Variants in NHEJ1 observed in about 807,000 individuals in gnomAD.
NHEJ1 encodes non-homologous end joining factor 1, also known as non-homologous end-joining factor 1.
Under a neutral mutation model 39.4 loss-of-function variants are expected in NHEJ1, and 22 were observed. That is an observed-to-expected ratio of 0.56 (90% CI 0.40 to 0.80). NHEJ1 has a LOEUF of 0.80. Among genes scored for constraint, NHEJ1 ranks in the 30% least tolerant of loss-of-function variants. NHEJ1 has a pLI of 0.00. For missense variants in NHEJ1, 329 were observed against 357.1 expected, an observed-to-expected ratio of 0.92 and a Z score of 0.63; for synonymous variants, 154 against 135.6, an observed-to-expected ratio of 1.14 and a Z score of -0.94.
intron 5 of NHEJ1, among the ~76,000 whole-genome samples, chr2:219,085,773 C>T (rs978299990): frequency 6.6e-6 from 1 of 151,028 alleles, no homozygotes; most frequent in African/African-American, 2.4e-5. Flanking sequence ...GCCATACAGT[C>T]ATATATGCAA....
Position 219,146,709 on chromosome 2 carries a change from T to C in NHEJ1, c.559A>G (p.Asn187Asp). The change falls in exon 5 of 8, where the codon AAT (asparagine) becomes GAT (aspartate). Residue 187 changes from asparagine (N) to aspartate (D), a missense_variant. By Grantham distance (23) the Asn-to-Asp change is conservative. Transcript: ENST00000356853. Reference protein sequence around the residue: ...DRLKTEPFEENSFLEQFMIEK... With the variant: ...DRLKTEPFEEDSFLEQFMIEK... ...ATCATAAATTGTTCCAAGAAGGAAT[T>C]TTCTTCAAATGGTTCTGTCTTCAAT... The C allele has an allele frequency of 6.2e-7, 1 of 1,611,714 alleles. No homozygotes were observed. The highest frequency in any genetic ancestry group is 2.2e-5 in the East Asian group (1 of 44,876).
intron 6 of NHEJ1, 65 bp from the exon 7 acceptor site, chr2:219,077,429 C>T (rs1949025020): frequency 1.6e-6 from 2 of 1,239,122 alleles, no homozygotes; most frequent in Non-Finnish European, 2.4e-6. Flanking sequence ...AAGATATTAG[C>T]ATTCACCAAG....
intron 1 of NHEJ1, among the ~76,000 whole-genome samples, chr2:219,158,624 A>C (rs1368664208): frequency 1.3e-5 from 2 of 151,938 alleles, no homozygotes; most frequent in East Asian, 3.9e-4. Context: ...TTTCTTCCAT[A>C]GTGTTTAAAC....
At chr2:219,109,683 T>A (rs1303818648) in intron 5 of NHEJ1, among the ~76,000 whole-genome samples, 1 of 151,778 alleles carries the variant, frequency 6.6e-6, no homozygotes, top group South Asian at 2.1e-4. Context: ...CAAGGAGGCG[T>A]GGGTTGGGAG....
At chr2:219,085,754 A>C (rs1949106028) in intron 5 of NHEJ1, among the ~76,000 whole-genome samples, 1 of 151,874 alleles carries the variant, frequency 6.6e-6, no homozygotes, top group Non-Finnish European at 1.5e-5. Flanking sequence ...AGATGGGAGA[A>C]TAGATGCAGC....
intron 3 of NHEJ1, among the ~76,000 whole-genome samples, chr2:219,155,096 G>A (rs927954542): frequency 6.6e-6 from 1 of 151,390 alleles, no homozygotes; most frequent in Non-Finnish European, 1.5e-5. Flanking sequence ...CCTCCAAGGA[G>A]AACTGTCTCC....
At chr2:219,160,585 C>G (rs1258791352) in intron 1 of NHEJ1, 135 bp downstream of exon 1, 1 of 152,238 alleles carries the variant, frequency 6.6e-6, no homozygotes, top group Non-Finnish European at 1.5e-5. Context: ...CACCCCTCCC[C>G]CGGAGGCCTG....
At chr2:219,127,733 A>G (rs1949538573) in intron 5 of NHEJ1, among the ~76,000 whole-genome samples, 1 of 152,244 alleles carries the variant, frequency 6.6e-6, no homozygotes, top group South Asian at 2.1e-4. Flanking sequence ...ATAATGATAA[A>G]CTAGCAAATG....
At chr2:219,129,932 T>C (rs1047794980) in intron 5 of NHEJ1, among the ~76,000 whole-genome samples, 1 of 151,800 alleles carries the variant, frequency 6.6e-6, no homozygotes, top group East Asian at 1.9e-4. Context: ...ATTTTATCTC[T>C]TTTTCCCTTT....
In NHEJ1 at chr2:219,071,092, T is replaced by C. The variant is rs1948951872; in HGVS notation, c.*5289A>G. ...GAGTAAGGGCTGTCTTTACCATGCA[T>C]GATTCCCAACAGCACTGCTCTTGAT... On this transcript the variant is annotated 3_prime_UTR_variant, in exon 8 of 8. Coordinates refer to ENST00000356853, the MANE Select transcript of NHEJ1 (RefSeq NM_024782.3). Among the ~76,000 whole-genome samples, 1 of 152,188 alleles carries C rather than the reference T, an allele frequency of 6.6e-6. No homozygotes were observed. Among genetic ancestry groups the C allele is most frequent in the Non-Finnish European group, 1.5e-5 (1 of 68,014 alleles).
intron 5 of NHEJ1, among the ~76,000 whole-genome samples, chr2:219,145,628 A>T (rs1025264064): frequency 2.0e-5 from 3 of 152,206 alleles, no homozygotes; most frequent in African/African-American, 7.2e-5. Context: ...TGGGTAACAT[A>T]TATAATTAGA....
At chr2:219,097,831 G>A (rs1042614637) in intron 5 of NHEJ1, among the ~76,000 whole-genome samples, 1 of 152,204 alleles carries the variant, frequency 6.6e-6, no homozygotes, top group African/African-American at 2.4e-5. Context: ...GGATAAAGAT[G>A]ATGTTTAAAG....
At chr2:219,082,704 G>A (rs914635805) in intron 5 of NHEJ1, among the ~76,000 whole-genome samples, 6 of 152,122 alleles carry the variant, frequency 3.9e-5, no homozygotes, top group Admixed American at 1.3e-4. Context: ...TCTGGCACCC[G>A]CCCCAGAAAC....
chr2:219,128,035 C>A (rs1363345410), intron 5 of NHEJ1, among the ~76,000 whole-genome samples: 1 of 152,224 alleles, frequency 6.6e-6, no homozygotes. Flanking sequence ...CCCCACTGAA[C>A]AGGTTTAGAG....
At chr2:219,157,795 A>T in intron 2 of NHEJ1, 111 bp from the exon 3 acceptor site, 1 of 837,806 alleles carries the variant, frequency 1.2e-6, no homozygotes, top group South Asian at 1.5e-5. Context: ...ACATGAGAGG[A>T]AGGGGAGAGA....
At chr2:219,117,420 G>C (rs1949426068) in intron 5 of NHEJ1, among the ~76,000 whole-genome samples, 1 of 152,162 alleles carries the variant, frequency 6.6e-6, no homozygotes. Flanking sequence ...GGACTCACCT[G>C]GTCAGTAACA....
At chr2:219,109,602 C>T (rs1011633492) in intron 5 of NHEJ1, among the ~76,000 whole-genome samples, 1 of 152,160 alleles carries the variant, frequency 6.6e-6, no homozygotes, top group African/African-American at 2.4e-5. Context: ...TACAACCATT[C>T]ACAATGCAGG....
chr2:219,107,278 G>A (rs73991044), intron 5 of NHEJ1, among the ~76,000 whole-genome samples: 2,464 of 152,240 alleles, frequency 0.016, 65 homozygotes, highest in African/African-American at 0.056. Context: ...TTTTCTTCCT[G>A]AAGAGGAAAA....
chr2:219,132,420 A>G (rs1262617349), intron 5 of NHEJ1, among the ~76,000 whole-genome samples: 1 of 152,200 alleles, frequency 6.6e-6, no homozygotes, highest in East Asian at 1.9e-4. Context: ...TGCAGTTGCC[A>G]TCAACTATTC....
Sources: gnomAD v4.1 joint callset for allele counts (sites outside exome capture counted in the v4.1 genomes callset) on GRCh38, gnomAD v4.1.1 for gene constraint, MANE v1.5 for transcripts, NCBI Gene and HGNC (gene_info 2026-07-23, HGNC 2026-07-21) for gene names.